The following SLC35F1 variants were observed in gnomAD, a reference collection of about 807,000 sequenced individuals.
SLC35F1 encodes the protein chromosome 6 open reading frame 169.
Under a neutral mutation model 48.7 loss-of-function variants are expected in SLC35F1, and 14 were observed. That is an observed-to-expected ratio of 0.29 (90% CI 0.19 to 0.45). SLC35F1 has a LOEUF of 0.45. Among genes scored for constraint, SLC35F1 ranks in the 20% least tolerant of loss-of-function variants. The pLI is 1.00. For synonymous variants in SLC35F1, 190 were observed against 202.2 expected, an observed-to-expected ratio of 0.94 and a Z score of 0.51; for missense variants, 404 against 500.0, an observed-to-expected ratio of 0.81 and a Z score of 1.83.
At chr6:117,920,142 C>T (rs1024106488) in intron 1 of SLC35F1, among the ~76,000 whole-genome samples, 2 of 152,206 alleles carry the variant, frequency 1.3e-5, no homozygotes, top group Non-Finnish European at 2.9e-5. Context: ...GCCGGGGAAA[C>T]ACTGCGCTCT....
intron 1 of SLC35F1, among the ~76,000 whole-genome samples, chr6:117,941,721 G>A (rs1407182434): frequency 1.3e-5 from 2 of 152,170 alleles, no homozygotes; most frequent in African/African-American, 2.4e-5. Context: ...AATTGTTCAA[G>A]TATCACTAAA....
intron 1 of SLC35F1, among the ~76,000 whole-genome samples, chr6:117,924,029 AC>A (rs1775984398): frequency 6.7e-6 from 1 of 150,190 alleles, no homozygotes; most frequent in African/African-American, 2.5e-5. Flanking sequence ...ATACCTATAC[AC>A]ACATAGGTAC....
chr6:118,152,931 A>T (rs1219068420), intron 1 of SLC35F1, among the ~76,000 whole-genome samples: 2 of 152,200 alleles, frequency 1.3e-5, no homozygotes, highest in African/African-American at 4.8e-5. Context: ...GTTTAAAAGT[A>T]TGTCTTTGGC....
chr6:117,931,064 A>T (rs926561343), intron 1 of SLC35F1, among the ~76,000 whole-genome samples: 14 of 152,072 alleles, frequency 9.2e-5, no homozygotes, highest in African/African-American at 3.4e-4. Flanking sequence ...TATTGTAAGC[A>T]CCTGGCCCGT....
chr6:118,109,298 C>A (rs757486282), intron 1 of SLC35F1, among the ~76,000 whole-genome samples: 6 of 152,140 alleles, frequency 3.9e-5, no homozygotes, highest in Non-Finnish European at 7.4e-5. Flanking sequence ...AGCCCATTGG[C>A]CACAATCAAG....
chr6:118,215,902 G>A (rs1338401508), intron 2 of SLC35F1, among the ~76,000 whole-genome samples: 2 of 152,098 alleles, frequency 1.3e-5, no homozygotes, highest in Non-Finnish European at 1.5e-5. Flanking sequence ...TCTATCAAAG[G>A]AATTTAGTTA....
chr6:118,153,778 G>A (rs767145724), intron 1 of SLC35F1, among the ~76,000 whole-genome samples: 1 of 152,160 alleles, frequency 6.6e-6, no homozygotes, highest in African/African-American at 2.4e-5. Context: ...TCTCTTTCAC[G>A]AATAGCAGTT....
At position 118,314,263 on chromosome 6, in the gene SLC35F1, G is replaced by T. The variant is rs375428162; in HGVS notation, c.*11G>T. ...GTTCGTGTGGCCTAGGGTGAGGCCCGCCCTGCCAACTGAGGCCAACTCATT... is the reference window on the plus strand; with the variant it reads ...GTTCGTGTGGCCTAGGGTGAGGCCCTCCCTGCCAACTGAGGCCAACTCATT... On this transcript the variant is annotated 3_prime_UTR_variant, in exon 8 of 8. Coordinates refer to ENST00000360388, the MANE Select transcript of SLC35F1 (RefSeq NM_001029858.4). 3.7e-6 allele frequency: 6 copies of T among 1,611,132 alleles called. No individual in the cohort carries two copies. Among genetic ancestry groups the T allele is most frequent in the African/African-American group, 1.3e-5 (1 of 74,856 alleles).
chr6:118,050,176 G>A (rs371015750), intron 1 of SLC35F1, among the ~76,000 whole-genome samples: 23 of 152,100 alleles, frequency 1.5e-4, no homozygotes, highest in East Asian at 1.2e-3. Context: ...GAGAACACTT[G>A]GACACAGGAA....
At chr6:118,313,994 G>T in intron 7 of SLC35F1, 34 bp from the exon 8 acceptor site, 1 of 1,597,748 alleles carries the variant, frequency 6.3e-7, no homozygotes, top group Non-Finnish European at 8.6e-7. Flanking sequence ...TTCTGCCCTG[G>T]CTGTCAAATG....
intron 2 of SLC35F1, among the ~76,000 whole-genome samples, chr6:118,201,385 G>A (rs1453645533): frequency 2.0e-5 from 3 of 152,102 alleles, no homozygotes; most frequent in Admixed American, 6.5e-5. Flanking sequence ...ATCATTTCTC[G>A]TAATCAGATT....
chr6:117,916,443 A>G (rs13193672), intron 1 of SLC35F1, among the ~76,000 whole-genome samples: 57,929 of 151,976 alleles, frequency 0.38, 13,115 homozygotes, highest in South Asian at 0.63. Flanking sequence ...AGTGCATCTA[A>G]TCATGGATGG....
chr6:118,120,014 CT>C (rs1773532138), intron 1 of SLC35F1, among the ~76,000 whole-genome samples: 1 of 152,150 alleles, frequency 6.6e-6, no homozygotes, highest in Non-Finnish European at 1.5e-5. Context: ...TCAAGAGCAT[CT>C]TTTTATTTAT....
chr6:118,130,419 G>A (rs892100605), intron 1 of SLC35F1, among the ~76,000 whole-genome samples: 1 of 152,020 alleles, frequency 6.6e-6, no homozygotes, highest in Non-Finnish European at 1.5e-5. Context: ...TGCAGTGAGC[G>A]GAGATCGCAC....
chr6:117,966,347 C>G (rs551948869), intron 1 of SLC35F1, among the ~76,000 whole-genome samples: 1 of 149,224 alleles, frequency 6.7e-6, no homozygotes, highest in East Asian at 2.0e-4. Flanking sequence ...CCGGCAGGAA[C>G]TAACAACTCC....
intron 1 of SLC35F1, among the ~76,000 whole-genome samples, chr6:118,001,329 G>C (rs1056987196): frequency 3.3e-5 from 5 of 152,160 alleles, no homozygotes; most frequent in African/African-American, 1.2e-4. Flanking sequence ...TGACAAACCT[G>C]ACAAAAACAA....
intron 2 of SLC35F1, among the ~76,000 whole-genome samples, chr6:118,155,106 G>A (rs908271652): frequency 6.6e-6 from 1 of 152,084 alleles, no homozygotes; most frequent in African/African-American, 2.4e-5. Flanking sequence ...ACCACAAATG[G>A]TCAGATGAGA....
chr6:118,265,884 T>G (rs1473027171), intron 3 of SLC35F1, among the ~76,000 whole-genome samples: 2 of 152,230 alleles, frequency 1.3e-5, no homozygotes. Context: ...TGCAGTTCTA[T>G]GTGACATCAC....
At chr6:118,277,576 T>G in intron 6 of SLC35F1, 30 bp downstream of exon 6, 4 of 1,600,204 alleles carry the variant, frequency 2.5e-6, no homozygotes, top group Non-Finnish European at 3.4e-6. Context: ...ACGATGCTCT[T>G]TTTATAACCT....
Sources: allele counts gnomAD v4.1 joint callset (sites outside exome capture counted in the v4.1 genomes callset), GRCh38; gene constraint gnomAD v4.1.1; transcripts MANE v1.5; gene names NCBI Gene and HGNC (gene_info 2026-07-23, HGNC 2026-07-21).